The following PPP2R5E variants were observed in gnomAD, a reference collection of about 807,000 sequenced individuals.
PPP2R5E encodes protein phosphatase 2 regulatory subunit B'epsilon.
PPP2R5E carries 4 observed loss-of-function variants against 65.3 expected under a neutral mutation model. That is an observed-to-expected ratio of 0.06 (90% CI 0.03 to 0.14). The LOEUF (loss-of-function observed/expected upper bound fraction) is 0.14, where lower values mean the gene tolerates loss of function less well. Ranked by LOEUF, PPP2R5E falls within the 10% of genes least tolerant of loss-of-function variation. PPP2R5E has a pLI of 1.00. For synonymous variants in PPP2R5E, 183 were observed against 187.4 expected (o/e 0.98, Z 0.19); for missense variants, 274 against 556.1 (o/e 0.49, Z 5.10).
At chr14:63,381,996 G>A (rs1884393125) in intron 13 of PPP2R5E, 60 bp downstream of exon 13, 1 of 1,391,562 alleles carries the variant, frequency 7.2e-7, no homozygotes, top group South Asian at 1.3e-5. Flanking sequence ...CTTCAGCAAA[G>A]AGCAAGGAAA....
chr14:63,409,687 C>T (rs748705577), intron 5 of PPP2R5E, among the ~76,000 whole-genome samples: 26 of 152,202 alleles, frequency 1.7e-4, no homozygotes, highest in Non-Finnish European at 1.5e-5. Context: ...CCAAGGTTTT[C>T]AGTCACCTGT....
At chr14:63,486,350 G>A (rs2139615630) in intron 2 of PPP2R5E, among the ~76,000 whole-genome samples, 1 of 143,440 alleles carries the variant, frequency 7.0e-6, no homozygotes, top group African/African-American at 2.7e-5. Context: ...TTTCTACCAG[G>A]GAGCAATTTT....
intron 2 of PPP2R5E, among the ~76,000 whole-genome samples, chr14:63,498,162 G>C (rs1056337399): frequency 6.6e-6 from 1 of 152,166 alleles, no homozygotes. Flanking sequence ...ACCAAGTCTT[G>C]AGGGATTTTT....
At chr14:63,404,787 C>T (rs1885973017) in intron 5 of PPP2R5E, among the ~76,000 whole-genome samples, 1 of 152,100 alleles carries the variant, frequency 6.6e-6, no homozygotes, top group Non-Finnish European at 1.5e-5. Context: ...ATTTTTTTCC[C>T]CTTGAGCATA....
chr14:63,531,809 T>C (rs951575771), intron 2 of PPP2R5E, among the ~76,000 whole-genome samples: 9 of 151,904 alleles, frequency 5.9e-5, no homozygotes, highest in Non-Finnish European at 1.3e-4. Context: ...CAAAATTAAC[T>C]GGGTGTGGTG....
At chr14:63,400,699 C>CAA (rs150068587) in intron 5 of PPP2R5E, among the ~76,000 whole-genome samples, 5 of 73,750 alleles carry the variant, frequency 6.8e-5, no homozygotes, top group South Asian at 6.8e-4. Context: ...CCCAACCAGC[C>CAA]AAAAAAAAAA....
intron 3 of PPP2R5E, among the ~76,000 whole-genome samples, chr14:63,448,449 G>A (rs899209404): frequency 6.6e-6 from 1 of 152,140 alleles, no homozygotes; most frequent in Admixed American, 6.5e-5. Flanking sequence ...GGCATATGCT[G>A]TTGGAAAAAA....
At chr14:63,478,664 A>G (rs1890534166) in intron 2 of PPP2R5E, among the ~76,000 whole-genome samples, 1 of 152,160 alleles carries the variant, frequency 6.6e-6, no homozygotes, top group South Asian at 2.1e-4. Context: ...GACCCCTGAA[A>G]AGGTCTCAGG....
At chr14:63,391,771 A>T in intron 10 of PPP2R5E, 46 bp downstream of exon 10, 1 of 1,590,518 alleles carries the variant, frequency 6.3e-7, no homozygotes, top group Non-Finnish European at 8.6e-7. Flanking sequence ...GGCACTCAGC[A>T]AAATATTCAG....
At position 63,374,215 on chromosome 14, in the gene PPP2R5E, T is replaced by TGG. The variant is rs924492594; in HGVS notation, c.*1792_*1793dup. 10 of 151,960 alleles carry TGG rather than the reference T, an allele frequency of 6.6e-5. No homozygotes were observed. The highest frequency in any genetic ancestry group is 2.4e-4 in the African/African-American group (10 of 41,336). 9.4% of individuals were successfully genotyped at this position (151,960 alleles called of 1,614,324 possible). A position where few individuals can be genotyped will look rare whatever the true frequency, so the allele number is the denominator to read the frequency against. On this transcript the variant is annotated 3_prime_UTR_variant, in exon 14 of 14. Coordinates refer to ENST00000337537, the MANE Select transcript of PPP2R5E (RefSeq NM_006246.5). ...GACCTGATCATCCTGAAAAACTTTA[T>TGG]GGGGGAGAAAGGTCAGCAGCTTCTC...
intron 8 of PPP2R5E, among the ~76,000 whole-genome samples, chr14:63,392,274 C>T (rs1425477978): frequency 6.6e-6 from 1 of 152,152 alleles, no homozygotes; most frequent in Admixed American, 6.5e-5. Context: ...AAATATGCAG[C>T]TAATGAAAAG....
At position 63,379,232 on chromosome 14, in the gene PPP2R5E, G is replaced by A. The variant is rs182741719; in HGVS notation, c.1304+2824C>T. Among the ~76,000 whole-genome samples the A allele has an allele frequency of 1.6e-4, 25 of 152,018 alleles. No individual in the cohort carries two copies. The East Asian group carries it at 4.8e-3, about 29-fold the overall frequency. The stretch of plus-strand genomic sequence containing the variant: ...TTTAGTAGAGACGGGGTTTCACCAT[G>A]TTAGCCAGGATGGTCTCGATCTCCT... On this transcript the variant is annotated intron_variant, in intron 13 of 13. Transcript: ENST00000337537.
At chr14:63,429,984 G>A (rs78067451) in intron 3 of PPP2R5E, among the ~76,000 whole-genome samples, 1 of 151,866 alleles carries the variant, frequency 6.6e-6, no homozygotes, top group Non-Finnish European at 1.5e-5. Context: ...GCACCCGGCC[G>A]TATTATTTTC....
chr14:63,463,763 CT>C (rs1453679559), intron 2 of PPP2R5E, among the ~76,000 whole-genome samples: 1 of 151,076 alleles, frequency 6.6e-6, no homozygotes, highest in African/African-American at 2.4e-5. Context: ...TGCCCGGCTA[CT>C]TTTTTGTATT....
intron 13 of PPP2R5E, among the ~76,000 whole-genome samples, chr14:63,379,943 T>TCCC (rs1884237513): frequency 7.1e-6 from 1 of 141,114 alleles, no homozygotes; most frequent in Admixed American, 7.5e-5. Context: ...CAACTGACCC[T>TCCC]CCCAACTCAG....
chr14:63,379,826 C>CTCTCTTTTTT (rs528081976), intron 13 of PPP2R5E, among the ~76,000 whole-genome samples: 17 of 100,300 alleles, frequency 1.7e-4, no homozygotes, highest in African/African-American at 8.9e-4. Flanking sequence ...TATTCTCTCT[C>CTCTCTTTTTT]TTTTTTTTTT....
At chr14:63,507,581 T>A (rs914225187) in intron 2 of PPP2R5E, among the ~76,000 whole-genome samples, 2 of 142,880 alleles carry the variant, frequency 1.4e-5, no homozygotes, top group Non-Finnish European at 3.1e-5. Context: ...TTCTCTTTTT[T>A]TTTTTTTTTT....
chr14:63,444,432 C>T (rs976530578), intron 3 of PPP2R5E, among the ~76,000 whole-genome samples: 20 of 152,124 alleles, frequency 1.3e-4, no homozygotes, highest in Admixed American at 1.3e-3. Flanking sequence ...CGTGAGTATT[C>T]CCTCTACCAG....
At chr14:63,505,791 C>G (rs774210735) in intron 2 of PPP2R5E, among the ~76,000 whole-genome samples, 3 of 152,162 alleles carry the variant, frequency 2.0e-5, no homozygotes, top group Non-Finnish European at 4.4e-5. Flanking sequence ...ACACCAGAAA[C>G]TCAGTTAGGA....
Sources: allele counts gnomAD v4.1 joint callset (sites outside exome capture counted in the v4.1 genomes callset), GRCh38; gene constraint gnomAD v4.1.1; transcripts MANE v1.5; gene names NCBI Gene and HGNC (gene_info 2026-07-23, HGNC 2026-07-21).